The following MLLT10 variants were observed in gnomAD, a reference collection of about 807,000 sequenced individuals.
MLLT10 encodes the protein protein AF-10.
MLLT10 carries 30 observed loss-of-function variants against 129.1 expected under a neutral mutation model. The ratio of observed to expected loss-of-function variants is 0.23; its 90% confidence interval spans 0.17 to 0.32. MLLT10 has a LOEUF of 0.32. Among genes scored for constraint, MLLT10 ranks in the 10% least tolerant of loss-of-function variants. The pLI, the probability that MLLT10 is intolerant of heterozygous loss-of-function variation, is 1.00. For missense variants in MLLT10, 1,119 were observed against 1,268.3 expected (o/e 0.88, Z 1.79); for synonymous variants, 490 against 446.4 (o/e 1.10, Z -1.23).
chr10:21,645,662 G>A (rs1257513397), intron 8 of MLLT10, among the ~76,000 whole-genome samples: 1 of 152,100 alleles, frequency 6.6e-6, no homozygotes, highest in Non-Finnish European at 1.5e-5. Flanking sequence ...TTTCCTGAGA[G>A]GTAACTTCAA....
At chr10:21,616,212 T>C (rs2045236784) in intron 7 of MLLT10, among the ~76,000 whole-genome samples, 1 of 152,142 alleles carries the variant, frequency 6.6e-6, no homozygotes, top group Admixed American at 6.5e-5. Flanking sequence ...GTAATAAGCA[T>C]ATTGAAATAC....
intron 3 of MLLT10, among the ~76,000 whole-genome samples, chr10:21,573,965 T>G (rs1375216792): frequency 6.6e-6 from 1 of 152,192 alleles, no homozygotes; most frequent in African/African-American, 2.4e-5. Context: ...TTTTGTCAAG[T>G]GCTGGTATTT....
At chr10:21,567,872 T>G (rs2039768152) in intron 3 of MLLT10, among the ~76,000 whole-genome samples, 1 of 150,500 alleles carries the variant, frequency 6.6e-6, no homozygotes, top group Admixed American at 6.7e-5. Context: ...CAGGCTGGAG[T>G]GCAGTGGTGC....
chr10:21,689,601 T>TTA (rs71393920), intron 13 of MLLT10, among the ~76,000 whole-genome samples: 1,436 of 130,412 alleles, frequency 0.011, 28 homozygotes, highest in African/African-American at 0.032. Flanking sequence ...CGTGTGTGTT[T>TTA]TATATATATA....
In MLLT10 at chr10:21,673,554, G is replaced by A. The variant is rs771824550; in HGVS notation, c.1256G>A (p.Gly419Asp). 6.2e-7 allele frequency: 1 copy of A among 1,613,006 alleles called. No homozygotes were observed. ...GGVNSFSTLI[G>D]LPSTSAVTSQ... ...GTAAATAGTTTTAGTACCTTAATTG[G>A]CCTCCCTTCAACCTCAGCTGTTACT... The change falls in exon 11 of 23, where the codon GGC (glycine) becomes GAC (aspartate). Residue 419 changes from glycine (G) to aspartate (D), a missense_variant. This residue lies in a region of MLLT10 where 1,004 missense variants were observed against 1,008.7 expected (regional missense o/e 1.00). Transcript: ENST00000307729.
chr10:21,612,028 G>C (rs1219242748), intron 5 of MLLT10, among the ~76,000 whole-genome samples: 1 of 152,144 alleles, frequency 6.6e-6, no homozygotes, highest in Non-Finnish European at 1.5e-5. Flanking sequence ...CAAGGTGTTG[G>C]GAAGAAGAGG....
At chr10:21,548,945 G>A (rs2036535810) in intron 3 of MLLT10, among the ~76,000 whole-genome samples, 1 of 152,114 alleles carries the variant, frequency 6.6e-6, no homozygotes. Flanking sequence ...TTTATATATT[G>A]TGTAATTTTT....
chr10:21,604,733 G>C (rs1281773253), intron 5 of MLLT10, among the ~76,000 whole-genome samples: 1 of 152,130 alleles, frequency 6.6e-6, no homozygotes, highest in African/African-American at 2.4e-5. Flanking sequence ...TTTAAAGCAG[G>C]TTTGTAAGTC....
chr10:21,695,653 G>C (rs528886388), intron 13 of MLLT10, among the ~76,000 whole-genome samples: 40 of 152,214 alleles, frequency 2.6e-4, no homozygotes, highest in Admixed American at 2.3e-3. Context: ...CTGTTGATTT[G>C]TCATCGTGGG....
intron 5 of MLLT10, among the ~76,000 whole-genome samples, chr10:21,599,442 T>G (rs1269093214): frequency 1.3e-5 from 2 of 152,200 alleles, no homozygotes; most frequent in Non-Finnish European, 2.9e-5. Flanking sequence ...TCTCTATATA[T>G]TGAACTCCAT....
intron 8 of MLLT10, chr10:21,625,520 T>C (rs1279382366): frequency 2.7e-5 from 23 of 865,134 alleles, no homozygotes; most frequent in Non-Finnish European, 4.4e-5. Context: ...ACTTTTACTT[T>C]TCCAGCATCT....
At chr10:21,544,005 T>A (rs1045039520) in intron 3 of MLLT10, among the ~76,000 whole-genome samples, 1 of 152,206 alleles carries the variant, frequency 6.6e-6, no homozygotes, top group Non-Finnish European at 1.5e-5. Flanking sequence ...CCAAAATGAG[T>A]AGCTAACTTT....
upstream of MLLT10, among the ~76,000 whole-genome samples, chr10:21,533,872 C>T (rs2033261608): frequency 1.3e-5 from 2 of 152,218 alleles, no homozygotes; most frequent in African/African-American, 4.8e-5. Context: ...GATGATGCCC[C>T]CGGGGACTCC....
intron 13 of MLLT10, among the ~76,000 whole-genome samples, chr10:21,687,793 G>T (rs961360816): frequency 1.3e-5 from 2 of 152,182 alleles, no homozygotes; most frequent in African/African-American, 4.8e-5. Context: ...TAGAATTGCT[G>T]TCTTGAATCA....
At chr10:21,545,472 A>G (rs912883060) in intron 3 of MLLT10, among the ~76,000 whole-genome samples, 3 of 152,148 alleles carry the variant, frequency 2.0e-5, no homozygotes, top group Admixed American at 6.5e-5. Flanking sequence ...TTTGGGTAGA[A>G]CCCTGGTTGT....
chr10:21,694,193 A>G (rs1439719182), intron 13 of MLLT10, among the ~76,000 whole-genome samples: 1 of 152,230 alleles, frequency 6.6e-6, no homozygotes, highest in East Asian at 1.9e-4. Context: ...ACATTCTCCT[A>G]CAATATCACA....
intron 16 of MLLT10, among the ~76,000 whole-genome samples, chr10:21,728,905 T>C (rs1378631970): frequency 6.6e-6 from 1 of 151,574 alleles, no homozygotes; most frequent in Non-Finnish European, 1.5e-5. Flanking sequence ...CTTTTTCATG[T>C]GATGACAGAT....
chr10:21,546,637 A>G (rs1350523357), intron 3 of MLLT10, among the ~76,000 whole-genome samples: 4 of 144,480 alleles, frequency 2.8e-5, no homozygotes, highest in African/African-American at 1.0e-4. Context: ...GCGCAGTCTC[A>G]GCTCACTGCA....
chr10:21,739,813 A>G (rs1018556020), intron 21 of MLLT10, among the ~76,000 whole-genome samples: 2 of 152,096 alleles, frequency 1.3e-5, no homozygotes, highest in Non-Finnish European at 2.9e-5. Context: ...GAGCTCTCCT[A>G]TGTGTGTCCT....
Sources: gnomAD v4.1 joint callset for allele counts (sites outside exome capture counted in the v4.1 genomes callset) on GRCh38, gnomAD v4.1.1 for gene constraint, gnomAD v4.1.1 regional missense constraint, MANE v1.5 for transcripts, NCBI Gene and HGNC (gene_info 2026-07-23, HGNC 2026-07-21) for gene names.